The following RPS6KB1 variants were observed in gnomAD, a reference collection of about 807,000 sequenced individuals.
The protein encoded by RPS6KB1 is ribosomal protein S6 kinase beta-1.
A neutral mutation model predicts 70.2 loss-of-function variants in RPS6KB1; 12 were observed. That is an observed-to-expected ratio of 0.17 (90% CI 0.11 to 0.28). RPS6KB1 has a LOEUF of 0.28. Among genes scored for constraint, RPS6KB1 ranks in the 10% least tolerant of loss-of-function variants. The pLI is 1.00. For synonymous variants in RPS6KB1, 175 were observed against 211.2 expected (o/e 0.83, Z 1.49); for missense variants, 270 against 646.6 (o/e 0.42, Z 6.32).
At chr17:59,902,825 G>C (rs2042037057) in intron 1 of RPS6KB1, among the ~76,000 whole-genome samples, 1 of 151,986 alleles carries the variant, frequency 6.6e-6, no homozygotes. Context: ...CAATTCTTCT[G>C]CCTCTGCCTC....
At chr17:59,945,299 TGG>T in intron 13 of RPS6KB1, 105 bp from the exon 14 acceptor site, 1 of 623,774 alleles carries the variant, frequency 1.6e-6, no homozygotes, top group South Asian at 2.0e-5. Context: ...TACACATTGG[TGG>T]TTTTAGGTGT....
At chr17:59,906,740 G>T (rs1346324315) in intron 1 of RPS6KB1, among the ~76,000 whole-genome samples, 3 of 152,068 alleles carry the variant, frequency 2.0e-5, no homozygotes, top group Non-Finnish European at 4.4e-5. Flanking sequence ...TGTCACCTGG[G>T]CTGGAGTGCA....
rs148223136 is a variant in RPS6KB1 at position 59,946,719 on chromosome 17, T to C, written c.1509T>C (p.Ser503=). The C allele has an allele frequency of 1.4e-5, 23 of 1,614,070 alleles. No individual in the cohort carries two copies. Among genetic ancestry groups the C allele is most frequent in the Non-Finnish European group, 1.7e-5 (20 of 1,180,040 alleles). The change falls in exon 15 of 15, where the codon TCT becomes TCC. Residue 503 remains serine, a synonymous_variant. Transcript: ENST00000225577. This position sits in a 1 kb window ranked among gnomAD's most constrained non-coding sequence, Gnocchi z 4.2. ...SAPLPIRQPN[S]GPYKKQAFPM... ...CACTTCCAATACGACAGCCGAACTC[T>C]GGGCCATACAAAAAACAAGCTTTTC...
intron 4 of RPS6KB1, among the ~76,000 whole-genome samples, chr17:59,915,489 G>A (rs1156257029): frequency 2.6e-5 from 4 of 151,034 alleles, no homozygotes; most frequent in Admixed American, 1.3e-4. Context: ...TTTTTGAGAT[G>A]AACTCTCACT....
chr17:59,902,578 C>G (rs76759763), intron 1 of RPS6KB1, among the ~76,000 whole-genome samples: 3 of 134,352 alleles, frequency 2.2e-5, no homozygotes, highest in African/African-American at 8.1e-5. Context: ...TTTTTTGTTT[C>G]TTTTTTTTTT....
intron 5 of RPS6KB1, among the ~76,000 whole-genome samples, chr17:59,929,391 G>A (rs929913219): frequency 2.0e-5 from 3 of 152,162 alleles, no homozygotes; most frequent in Non-Finnish European, 2.9e-5. Flanking sequence ...AAGCCACTGC[G>A]CCCAGCCCAC....
Position 59,893,232 on chromosome 17 carries a change from C to T in RPS6KB1, c.48C>T (p.Phe16=). The T allele has an allele frequency of 6.2e-7, 1 of 1,612,426 alleles. No individual in the cohort carries two copies. Among genetic ancestry groups the T allele is most frequent in the South Asian group, 1.1e-5 (1 of 90,712 alleles). The stretch of plus-strand genomic sequence containing the variant: ...ACGGCTTTTACCCAGCCCCGGACTT[C>T]CGAGACAGGGAAGCTGAGGACATGG... ...RRDGFYPAPD[F]RDREAEDMAG... The change falls in exon 1 of 15, where the codon TTC becomes TTT. Residue 16 remains phenylalanine, a synonymous_variant. Coordinates refer to ENST00000225577, the MANE Select transcript of RPS6KB1 (RefSeq NM_003161.4). This position sits in a 1 kb window ranked among gnomAD's most constrained non-coding sequence, Gnocchi z 4.1.
intron 10 of RPS6KB1, among the ~76,000 whole-genome samples, chr17:59,935,963 C>T (rs2044207363): frequency 6.6e-6 from 1 of 151,854 alleles, no homozygotes; most frequent in African/African-American, 2.4e-5. Context: ...AGGTGTTCAC[C>T]ACCACGCCAG....
intron 1 of RPS6KB1, among the ~76,000 whole-genome samples, chr17:59,900,310 T>G (rs181748935): frequency 1.3e-3 from 195 of 152,188 alleles, no homozygotes; most frequent in Admixed American, 3.7e-3. Context: ...ATATCTTAAC[T>G]ACTCTAAAGT....
Position 59,948,792 on chromosome 17 carries a change from C to G in RPS6KB1, c.*2004C>G, listed in dbSNP as rs1334754711. 1 of 152,468 alleles carries G rather than the reference C, an allele frequency of 6.6e-6. No individual in the cohort carries two copies. Among genetic ancestry groups the G allele is most frequent in the East Asian group, 1.9e-4 (1 of 5,196 alleles). 9.4% of individuals were successfully genotyped at this position (152,468 alleles called of 1,614,324 possible). On this transcript the variant is annotated 3_prime_UTR_variant, in exon 15 of 15. Coordinates refer to ENST00000225577, the MANE Select transcript of RPS6KB1 (RefSeq NM_003161.4). ...AAATTATACTTAAAAAGTGCAGATC[C>G]TTGTTCTTTGACAATTTGTGATGTC...
At chr17:59,915,717 C>T (rs1036972838) in intron 4 of RPS6KB1, among the ~76,000 whole-genome samples, 1 of 150,940 alleles carries the variant, frequency 6.6e-6, no homozygotes, top group East Asian at 2.0e-4. Flanking sequence ...CCATCTGCCT[C>T]GGCCTCCCAA....
At chr17:59,927,663 C>G (rs2043693806) in intron 5 of RPS6KB1, among the ~76,000 whole-genome samples, 1 of 151,478 alleles carries the variant, frequency 6.6e-6, no homozygotes, top group African/African-American at 2.4e-5. Flanking sequence ...TGCGCCACCA[C>G]ACTTGGCTTT....
chr17:59,908,833 T>C (rs1293007731), intron 1 of RPS6KB1, among the ~76,000 whole-genome samples: 1 of 141,272 alleles, frequency 7.1e-6, no homozygotes, highest in Non-Finnish European at 1.5e-5. Context: ...TTAGCCAGGA[T>C]GGTCTCGATT....
In RPS6KB1 at chr17:59,893,319, G is replaced by A. The variant is rs56376112; in HGVS notation, c.135G>A (p.Glu45=). Residue 45 remains glutamate (E), a synonymous_variant, in exon 1 of 15, where the codon GAG becomes GAA. Transcript: ENST00000225577. This position sits in a 1 kb window ranked among gnomAD's most constrained non-coding sequence, Gnocchi z 4.1. The stretch of plus-strand genomic sequence containing the variant: ...ACGCGGGCTCTGAGGATGAGCTGGA[G>A]GAGGGGGTGAGGCCCGGGGTCCCCG... ...PEDAGSEDEL[E]EGGQLNESMD... 1.4e-3 allele frequency: 2,211 copies of A among 1,607,990 alleles called. 23 individuals carry two copies. The African/African-American group carries it at 0.026, about 19-fold the overall frequency.
Position 59,931,598 on chromosome 17 carries a change from T to G in RPS6KB1, c.588-24T>G, listed in dbSNP as rs1290378431. The G allele has an allele frequency of 6.4e-7, 1 of 1,568,650 alleles. No individual in the cohort carries two copies. Among genetic ancestry groups the G allele is most frequent in the Admixed American group, 1.7e-5 (1 of 59,578 alleles). On this transcript the variant is annotated intron_variant, in intron 6 of 14. Transcript: ENST00000225577. The stretch of plus-strand genomic sequence containing the variant: ...TGGATAGATTACACTCTTTTTAATT[T>G]TATTAAATCACTTTTGTTTCCAGCT...
At chr17:59,945,320 G>T in intron 13 of RPS6KB1, 86 bp from the exon 14 acceptor site, 1 of 694,958 alleles carries the variant, frequency 1.4e-6, no homozygotes, top group East Asian at 2.7e-5. Context: ...GTGCATCATT[G>T]TGTAGGTATG....
Position 59,930,127 on chromosome 17 carries a change from A to T in RPS6KB1, c.540A>T (p.Leu180=), listed in dbSNP as rs765895449. ...LILEYLSGGE[L]FMQLEREGIF... Reference sequence around the variant, plus strand: ...TCTTTTTCTTTACAGGAGGAGAACTATTTATGCAGTTAGAAAGAGAGGGAA... The same window carrying T: ...TCTTTTTCTTTACAGGAGGAGAACTTTTTATGCAGTTAGAAAGAGAGGGAA... Residue 180 remains leucine (L), a synonymous_variant, in exon 6 of 15, where the codon CTA becomes CTT. Coordinates refer to ENST00000225577, the MANE Select transcript of RPS6KB1 (RefSeq NM_003161.4). 6.8e-7 allele frequency: 1 copy of T among 1,466,634 alleles called. No individual in the cohort carries two copies. 90.9% of individuals were successfully genotyped at this position (1,466,634 alleles called of 1,614,324 possible).
At chr17:59,911,870 A>C (rs1182563688) in intron 2 of RPS6KB1, among the ~76,000 whole-genome samples, 1 of 152,130 alleles carries the variant, frequency 6.6e-6, no homozygotes, top group Non-Finnish European at 1.5e-5. Flanking sequence ...TGCTGGGATT[A>C]CAGGCATGAG....
At chr17:59,933,518 A>G (rs2044064510) in intron 7 of RPS6KB1, among the ~76,000 whole-genome samples, 2 of 152,216 alleles carry the variant, frequency 1.3e-5, no homozygotes, top group South Asian at 4.1e-4. Flanking sequence ...AGTCCCTGAG[A>G]TTGTTGAACC....
Sources: allele counts gnomAD v4.1 joint callset (sites outside exome capture counted in the v4.1 genomes callset), GRCh38; gene constraint gnomAD v4.1.1; non-coding constraint Gnocchi (gnomAD v3.1); transcripts MANE v1.5; gene names NCBI Gene and HGNC (gene_info 2026-07-23, HGNC 2026-07-21).